DCAF1: variants seen among roughly 807,000 people sequenced by gnomAD.
DCAF1 encodes the protein DDB1- and CUL4-associated factor 1.
Under a neutral mutation model 128.0 loss-of-function variants are expected in DCAF1, and 15 were observed. That is an observed-to-expected ratio of 0.12 (90% confidence interval 0.08 to 0.18). The LOEUF is 0.18. Among genes scored for constraint, DCAF1 ranks in the 10% least tolerant of loss-of-function variants. The pLI is 1.00. For missense variants in DCAF1, 988 were observed against 1,649.5 expected (o/e 0.60, Z 6.95); for synonymous variants, 610 against 603.0 (o/e 1.01, Z -0.17).
intron 2 of DCAF1, among the ~76,000 whole-genome samples, chr3:51,494,517 TG>T (rs1265215864): frequency 1.3e-5 from 2 of 152,122 alleles, no homozygotes; most frequent in African/African-American, 2.4e-5. Flanking sequence ...CACTTCAAAA[TG>T]GGTAGTCGTT....
At chr3:51,444,800 C>G (rs576931503) in intron 6 of DCAF1, among the ~76,000 whole-genome samples, 46 of 151,844 alleles carry the variant, frequency 3.0e-4, no homozygotes, top group African/African-American at 1.1e-3. Context: ...CTTAGCCTCC[C>G]GAGTAGCTGG....
Position 51,414,776 on chromosome 3 carries a change from T to C in DCAF1, c.3685A>G (p.Thr1229Ala). ...ACAAGATCATCTGTAGGATTAAAGG[T>C]GGCACAGTTCCTCTTGTAGTTGTTG... ...LANNYKRNCA[T>A]FNPTDDLVLN... Residue 1229 changes from threonine (T) to alanine (A), a missense_variant, in exon 19 of 25, where the codon ACC becomes GCC. By Grantham distance (58) the Thr-to-Ala change is moderately conservative. Transcript: ENST00000684031. The C allele has an allele frequency of 6.2e-7, 1 of 1,614,028 alleles. No individual in the cohort carries two copies. The highest frequency in any genetic ancestry group is 8.5e-7 in the Non-Finnish European group (1 of 1,179,904).
rs1553646691 is a variant in DCAF1, at chr3:51,466,854, C to T, written c.210G>A (p.Met70Ile). 1 of 1,613,734 alleles carries T rather than the reference C, an allele frequency of 6.2e-7. No individual in the cohort carries two copies. The highest frequency in any genetic ancestry group is 1.3e-5 in the African/African-American group (1 of 75,000). The part of the protein sequence containing the change: ...RHPGRADPEC[M>I]LGHLLRILFK... ...AGAGTATTCTCAGCAAGTGGCCCAG[C>T]ATACACTCTGGATCAGCTCGACCTA... The change falls in exon 5 of 25, where the codon ATG becomes ATA. Residue 70 changes from methionine to isoleucine, a missense_variant. Physicochemically the swap from Met to Ile is conservative, Grantham distance 10. This residue lies in a region of DCAF1 where 14 missense variants were observed against 48.6 expected (regional missense o/e 0.29). Coordinates refer to ENST00000684031, the MANE Select transcript of DCAF1 (RefSeq NM_001387579.1).
At chr3:51,468,383 G>A (rs1553647263) in intron 4 of DCAF1, among the ~76,000 whole-genome samples, 38 of 152,228 alleles carry the variant, frequency 2.5e-4, no homozygotes, top group Non-Finnish European at 1.5e-5. Context: ...TGTTGGCCAA[G>A]CTGGTCTCGA....
chr3:51,467,290 C>T (rs2108139115), intron 4 of DCAF1, among the ~76,000 whole-genome samples: 1 of 152,178 alleles, frequency 6.6e-6, no homozygotes, highest in South Asian at 2.1e-4. Context: ...CAAGATTGCA[C>T]CACTGCAATC....
Position 51,398,400 on chromosome 3 carries a change from G to A in DCAF1, c.*369C>T, listed in dbSNP as rs1436964920. On this transcript the variant is annotated 3_prime_UTR_variant, in exon 25 of 25. Transcript: ENST00000684031. ...TGCCTGTTTTTTTTTCCTTTTTAAA[G>A]TTTTATAAAAAACTATTTCTTGTTC... 1 of 169,472 alleles carries A rather than the reference G, an allele frequency of 5.9e-6. No individual in the cohort carries two copies. Among genetic ancestry groups the A allele is most frequent in the Non-Finnish European group, 1.2e-5 (1 of 80,024 alleles). The allele number at this position is 169,472 out of a possible 1,614,324, so 10.5% of individuals were successfully genotyped here. A position where few individuals can be genotyped will look rare whatever the true frequency, so the allele number is the denominator to read the frequency against.
chr3:51,478,563 C>T (rs1385546311), intron 3 of DCAF1, among the ~76,000 whole-genome samples: 1 of 152,134 alleles, frequency 6.6e-6, no homozygotes, highest in African/African-American at 2.4e-5. Flanking sequence ...CAATTATACA[C>T]ATGTTAACAG....
chr3:51,498,376 G>C, intron 1 of DCAF1, among the ~76,000 whole-genome samples: 1 of 77,860 alleles, frequency 1.3e-5, no homozygotes, highest in Non-Finnish European at 2.9e-5. Context: ...AAAGAAAAAA[G>C]AAAAAAAAAA....
downstream of DCAF1, chr3:51,396,554 A>C (rs544274603): frequency 1.8e-5 from 3 of 167,142 alleles, no homozygotes; most frequent in Non-Finnish European, 4.4e-5. Flanking sequence ...GGCCCTGTCT[A>C]AGGTGTTGCT....
intron 6 of DCAF1, among the ~76,000 whole-genome samples, chr3:51,449,049 A>C (rs1702130023): frequency 6.6e-6 from 1 of 152,216 alleles, no homozygotes. Flanking sequence ...AAACTACAAT[A>C]GTCACAAATA....
At position 51,427,450 on chromosome 3, in the gene DCAF1, A is replaced by C; in HGVS notation, c.1769T>G (p.Val590Gly). The change falls in exon 13 of 25, where the codon GTT (valine) becomes GGT (glycine). Residue 590 changes from valine to glycine, a missense_variant. Physicochemically the swap from Val to Gly is moderately radical, Grantham distance 109 (BLOSUM62 -3). Coordinates refer to ENST00000684031, the MANE Select transcript of DCAF1 (RefSeq NM_001387579.1). ...PAQLYWEPAE[V>G]FLKLSCVQLL... is the part of the protein sequence containing the mutation. Reference sequence around the variant, plus strand: ...TTGCACACAAGAAAGTTTGAGGAAAACTTCAGCTGGTTCCCAATATAGCTG... The same window carrying C: ...TTGCACACAAGAAAGTTTGAGGAAACCTTCAGCTGGTTCCCAATATAGCTG... The C allele has an allele frequency of 1.3e-6, 1 of 779,906 alleles. No homozygotes were observed. The highest frequency in any genetic ancestry group is 2.4e-5 in the East Asian group (1 of 41,208). 48.3% of individuals were successfully genotyped at this position (779,906 alleles called of 1,614,324 possible). A position where few individuals can be genotyped will look rare whatever the true frequency, so the allele number is the denominator to read the frequency against.
At chr3:51,423,899 C>G (rs781933319) in intron 13 of DCAF1, among the ~76,000 whole-genome samples, 6 of 150,610 alleles carry the variant, frequency 4.0e-5, no homozygotes, top group Non-Finnish European at 7.4e-5. Context: ...ATTAAAATAG[C>G]AAAAGAATGA....
At chr3:51,404,790 GA>G (rs1293731471) in intron 23 of DCAF1, among the ~76,000 whole-genome samples, 1 of 152,214 alleles carries the variant, frequency 6.6e-6, no homozygotes, top group Non-Finnish European at 1.5e-5. Flanking sequence ...TAGAAGGCCT[GA>G]GACTATTCCA....
chr3:51,404,030 C>T (rs181282161), intron 23 of DCAF1, among the ~76,000 whole-genome samples: 6 of 152,162 alleles, frequency 3.9e-5, no homozygotes, highest in African/African-American at 9.7e-5. Context: ...TCCATTCTTA[C>T]AAGAACTTGC....
chr3:51,420,835 G>T lies in DCAF1; in HGVS notation c.2135C>A (p.Pro712His). Residue 712 changes from proline to histidine, a missense_variant, in exon 15 of 25, where the codon CCT becomes CAT. Transcript: ENST00000684031. This position sits in a 1 kb window ranked among gnomAD's most constrained non-coding sequence, Gnocchi z 6.5. ...GTGCTCACTGCTTTTAGGGTTCTGA[G>T]GCAGCTTTCTCCGAGGAGTACCAGA... ...FISGTPRRKLPQNPKSSEHTL... is the reference protein window; with the variant it reads ...FISGTPRRKLHQNPKSSEHTL... 2 of 1,613,988 alleles carry T rather than the reference G, an allele frequency of 1.2e-6. No individual in the cohort carries two copies. The highest frequency in any genetic ancestry group is 1.7e-6 in the Non-Finnish European group (2 of 1,179,888).
intron 6 of DCAF1, among the ~76,000 whole-genome samples, chr3:51,451,069 CTTTTTTTTTTTTTT>C (rs1167474829): frequency 1.0e-3 from 27 of 27,110 alleles, no homozygotes; most frequent in South Asian, 3.6e-3. Context: ...AAAGGAAATT[CTTTTTTTTTTTTTT>C]TTTTTTTTTT....
intron 3 of DCAF1, among the ~76,000 whole-genome samples, chr3:51,476,171 T>TCA (rs1217601386): frequency 2.0e-5 from 3 of 151,854 alleles, no homozygotes; most frequent in African/African-American, 7.2e-5. Context: ...GGCAGGTGGG[T>TCA]CACTTGAGGT....
chr3:51,432,710 C>T (rs1362429659), intron 10 of DCAF1, among the ~76,000 whole-genome samples: 2 of 152,106 alleles, frequency 1.3e-5, no homozygotes, highest in Non-Finnish European at 2.9e-5. Flanking sequence ...CCACCCACCT[C>T]GACCTCCCAA....
intron 10 of DCAF1, among the ~76,000 whole-genome samples, chr3:51,432,203 G>A (rs1700450310): frequency 1.3e-5 from 2 of 149,432 alleles, no homozygotes; most frequent in South Asian, 4.3e-4. Context: ...CCTGGGAGTT[G>A]GAGGCTGCAG....
Sources: allele counts gnomAD v4.1 joint callset (sites outside exome capture counted in the v4.1 genomes callset), GRCh38; gene constraint gnomAD v4.1.1; regional missense constraint gnomAD v4.1.1; non-coding constraint Gnocchi (gnomAD v3.1); transcripts MANE v1.5; gene names NCBI Gene and HGNC (gene_info 2026-07-23, HGNC 2026-07-21).